TNPO1: variants seen among roughly 807,000 people sequenced by gnomAD.
The protein encoded by TNPO1 is transportin 1, also known as transportin-1.
TNPO1 carries 8 observed loss-of-function variants against 119.5 expected under a neutral mutation model. That is an observed-to-expected ratio of 0.07 (90% CI 0.04 to 0.12). The LOEUF is 0.12. Ranked by LOEUF, TNPO1 falls within the 10% of genes least tolerant of loss-of-function variation. TNPO1 has a pLI of 1.00. For missense variants in TNPO1, 576 were observed against 1,089.8 expected (o/e 0.53, Z 6.64); for synonymous variants, 362 against 363.0 (o/e 1.00, Z 0.03).
chr5:72,888,389 A>G (rs188390281), intron 13 of TNPO1, 86 bp downstream of exon 13: 362 of 1,172,384 alleles, frequency 3.1e-4, no homozygotes, highest in Non-Finnish European at 3.8e-4. Flanking sequence ...TGTTAAACCT[A>G]TAATGAAGTG....
intron 1 of TNPO1, among the ~76,000 whole-genome samples, chr5:72,831,453 G>T (rs1580367310): frequency 6.6e-6 from 1 of 151,748 alleles, no homozygotes; most frequent in Non-Finnish European, 1.5e-5. Context: ...TTGGGGATTT[G>T]TTCTTCTAAA....
chr5:72,864,882 TACA>T (rs1354112417), intron 5 of TNPO1, among the ~76,000 whole-genome samples: 4 of 152,128 alleles, frequency 2.6e-5, no homozygotes, highest in Non-Finnish European at 4.4e-5. Context: ...GTGCTGGGAT[TACA>T]GGCTTGAGCC....
chr5:72,833,124 C>G (rs1013409756), intron 1 of TNPO1, among the ~76,000 whole-genome samples: 1 of 152,150 alleles, frequency 6.6e-6, no homozygotes, highest in African/African-American at 2.4e-5. Flanking sequence ...TAAACCTCCC[C>G]TTTTCTCTTA....
At chr5:72,872,767 T>C in intron 7 of TNPO1, 47 bp downstream of exon 7, 8 of 1,325,452 alleles carry the variant, frequency 6.0e-6, no homozygotes, top group Non-Finnish European at 8.4e-6. Flanking sequence ...CTTTTTTTTT[T>C]TGAGAAGGTT....
chr5:72,890,081 A>G, intron 14 of TNPO1, 124 bp downstream of exon 14: 1 of 1,059,660 alleles, frequency 9.4e-7, no homozygotes, highest in East Asian at 2.6e-5. Flanking sequence ...AGCTACTTTA[A>G]GAGTATAGAT....
In TNPO1 at chr5:72,827,757, A is replaced by T. The variant is rs568494197; in HGVS notation, c.15+11005A>T. Among the ~76,000 whole-genome samples the T allele has an allele frequency of 1.4e-3, 210 of 150,640 alleles. 1 individual carries two copies. The highest frequency in any genetic ancestry group is 7.3e-3 in the East Asian group (37 of 5,084). ...AGGGAGACCCTGTCTCCACAAAAAAATTTTTTTTTTAAATTAGCTGGGCAT... is the reference window on the plus strand; with the variant it reads ...AGGGAGACCCTGTCTCCACAAAAAATTTTTTTTTTTAAATTAGCTGGGCAT... On this transcript the variant is annotated intron_variant, in intron 1 of 24. Transcript: ENST00000337273.
chr5:72,817,803 C>T (rs921701465), intron 1 of TNPO1, among the ~76,000 whole-genome samples: 3 of 152,230 alleles, frequency 2.0e-5, no homozygotes, highest in Non-Finnish European at 4.4e-5. Flanking sequence ...ACGTACTACT[C>T]ACTTTTAGAA....
chr5:72,854,590 T>G (rs146955304), intron 3 of TNPO1, among the ~76,000 whole-genome samples: 3 of 152,310 alleles, frequency 2.0e-5, no homozygotes, highest in African/African-American at 7.2e-5. Flanking sequence ...ACTTGTGCAA[T>G]GGGGTGAATA....
In TNPO1 at chr5:72,896,463, T is replaced by C. The variant is rs561660264; in HGVS notation, c.2149T>C (p.Phe717Leu). The change falls in exon 19 of 25, where the codon TTC becomes CTC. Residue 717 changes from phenylalanine to leucine, a missense_variant. Coordinates refer to ENST00000337273, the MANE Select transcript of TNPO1 (RefSeq NM_002270.4). ...AGTTTAAATTTTTTTTCTAGCTGAT[T>C]TCATGCCAATATTGGGAACCAACCT... ...FQHVKPCIAD[F>L]MPILGTNLNP... 1 of 1,611,898 alleles carries C rather than the reference T, an allele frequency of 6.2e-7. No homozygotes were observed. The highest frequency in any genetic ancestry group is 1.1e-5 in the South Asian group (1 of 90,868).
In TNPO1 at chr5:72,887,549, G is replaced by T. The variant is rs374237999; in HGVS notation, c.1303+327G>T. ...AAAATACAAAAATTAGCTGGGCGTGGTGGCATGTGCCTGTAGTCCCAGCTA... is the reference window on the plus strand; with the variant it reads ...AAAATACAAAAATTAGCTGGGCGTGTTGGCATGTGCCTGTAGTCCCAGCTA... On this transcript the variant is annotated intron_variant, in intron 12 of 24. Transcript: ENST00000337273. Among the ~76,000 whole-genome samples, 76 of 152,304 alleles carry T rather than the reference G, an allele frequency of 5.0e-4. 2 individuals are homozygous for T. In the South Asian group the frequency reaches 0.014, roughly 28 times the overall value.
chr5:72,841,895 G>T, intron 1 of TNPO1, among the ~76,000 whole-genome samples: 1 of 149,644 alleles, frequency 6.7e-6, no homozygotes. Flanking sequence ...AAAAAAAACA[G>T]TATAAGAGAG....
intron 1 of TNPO1, among the ~76,000 whole-genome samples, chr5:72,847,466 T>C (rs1381850088): frequency 6.6e-6 from 1 of 152,248 alleles, no homozygotes; most frequent in Admixed American, 6.5e-5. Flanking sequence ...TTTGCTCAGA[T>C]CTTTTTTAGC....
Position 72,893,128 on chromosome 5 carries a change from A to G in TNPO1, c.1789-11A>G, listed in dbSNP as rs761958840. 2.5e-6 allele frequency: 4 copies of G among 1,604,944 alleles called. No individual in the cohort carries two copies. The highest frequency in any genetic ancestry group is 3.4e-6 in the Non-Finnish European group (4 of 1,175,124). On this transcript the variant is annotated splice_polypyrimidine_tract_variant and intron_variant, in intron 15 of 24. Transcript: ENST00000337273. ...CCAGAAAGTTTAGCATGTGTACTTT[A>G]TTCTTCCTAGTGCCTATCTTCAGTT... is the stretch of plus-strand genomic sequence containing the variant.
At chr5:72,880,131 GAGCTATGA>G (rs912731306) in intron 9 of TNPO1, among the ~76,000 whole-genome samples, 10 of 152,056 alleles carry the variant, frequency 6.6e-5, no homozygotes, top group African/African-American at 2.4e-4. Flanking sequence ...AGACTGCAGT[GAGCTATGA>G]GCCGAAATGG....
At chr5:72,848,363 C>G (rs778861716) in intron 1 of TNPO1, 22 bp from the exon 2 acceptor site, 30 of 1,606,484 alleles carry the variant, frequency 1.9e-5, no homozygotes, top group Non-Finnish European at 2.6e-5. Context: ...CCGTCTCTTC[C>G]TGTGTCTGGC....
chr5:72,914,128 A>T lies in TNPO1; in HGVS notation c.*5455A>T, dbSNP rs1318989649. 6.6e-6 allele frequency: 1 copy of T among 152,620 alleles called. No homozygotes were observed. The highest frequency in any genetic ancestry group is 1.9e-4 in the East Asian group (1 of 5,204). 9.5% of individuals were successfully genotyped at this position (152,620 alleles called of 1,614,324 possible). On this transcript the variant is annotated 3_prime_UTR_variant, in exon 25 of 25. Coordinates refer to ENST00000337273, the MANE Select transcript of TNPO1 (RefSeq NM_002270.4). ...TGTCCTTCAAACATATCCTCCTGCA[A>T]CTTCTCAAACTGTACTAAATTGATA...
intron 23 of TNPO1, among the ~76,000 whole-genome samples, chr5:72,904,621 C>T (rs1042430311): frequency 2.9e-4 from 44 of 152,218 alleles, no homozygotes; most frequent in African/African-American, 1.0e-3. Flanking sequence ...CATGGTGAAA[C>T]GCCATCTCTA....
chr5:72,831,739 T>C (rs1247771794), intron 1 of TNPO1, among the ~76,000 whole-genome samples: 1 of 151,890 alleles, frequency 6.6e-6, no homozygotes, highest in African/African-American at 2.4e-5. Context: ...TTGAATCCAT[T>C]TTTTTTATAA....
intron 9 of TNPO1, 81 bp from the exon 10 acceptor site, chr5:72,882,386 T>G: frequency 4.0e-6 from 4 of 997,754 alleles, no homozygotes; most frequent in Non-Finnish European, 6.1e-6. Context: ...ATTGGTTTTA[T>G]TAGTACATGT....
Sources: allele counts gnomAD v4.1 joint callset (sites outside exome capture counted in the v4.1 genomes callset), GRCh38; gene constraint gnomAD v4.1.1; transcripts MANE v1.5; gene names NCBI Gene and HGNC (gene_info 2026-07-23, HGNC 2026-07-21).